The following RTN4 variants were observed in gnomAD, a reference collection of about 807,000 sequenced individuals.
RTN4 encodes reticulon-4.
Under a neutral mutation model 90.4 loss-of-function variants are expected in RTN4, and 32 were observed. The ratio of observed to expected loss-of-function variants is 0.35; its 90% CI spans 0.27 to 0.48. The LOEUF (loss-of-function observed/expected upper bound fraction) is 0.48, where lower values mean the gene tolerates loss of function less well. Ranked by LOEUF, RTN4 falls within the 20% of genes least tolerant of loss-of-function variation. The pLI, the probability that RTN4 is intolerant of heterozygous loss-of-function variation, is 0.99. For synonymous variants in RTN4, 629 were observed against 552.5 expected, an observed-to-expected ratio of 1.14 and a Z score of -1.94; for missense variants, 1,706 against 1,430.2, an observed-to-expected ratio of 1.19 and a Z score of -3.11.
At chr2:55,023,851 A>G (rs1681625762) in intron 3 of RTN4, among the ~76,000 whole-genome samples, 1 of 152,030 alleles carries the variant, frequency 6.6e-6, no homozygotes, top group Non-Finnish European at 1.5e-5. Context: ...ACCAACTTGC[A>G]ATCCTTAACT....
At chr2:54,996,691 T>C (rs1240383737) in intron 3 of RTN4, among the ~76,000 whole-genome samples, 1 of 152,238 alleles carries the variant, frequency 6.6e-6, no homozygotes, top group Non-Finnish European at 1.5e-5. Flanking sequence ...AGTTAACTCA[T>C]AACGGCCGAA....
At position 55,025,605 on chromosome 2, in the gene RTN4, T is replaced by A. The variant is rs1681781070; in HGVS notation, c.2494A>T (p.Met832Leu). ...LSKKEKIPLQ[M>L]EELSTAVYSN... ...TAAACTGCAGTACTGAGCTCCTCCA[T>A]CTGCAAAGGAATTTTCTCCTTTTTG... The change falls in exon 3 of 9, where the codon ATG becomes TTG. Residue 832 changes from methionine to leucine, a missense_variant. Transcript: ENST00000337526. 4 of 1,613,568 alleles carry A rather than the reference T, an allele frequency of 2.5e-6. No homozygotes were observed. The highest frequency in any genetic ancestry group is 2.2e-5 in the East Asian group (1 of 44,864).
chr2:55,073,198 G>T (rs1668545200), intron 2 of RTN4, among the ~76,000 whole-genome samples: 1 of 152,132 alleles, frequency 6.6e-6, no homozygotes, highest in Admixed American at 6.6e-5. Flanking sequence ...AAAGTGTATT[G>T]CTATGCATAA....
chr2:55,130,053 A>C, the RTN4 span, among the ~76,000 whole-genome samples: 1 of 152,322 alleles, frequency 6.6e-6, no homozygotes, highest in South Asian at 2.1e-4. Flanking sequence ...CATGTACAAA[A>C]ATGCTAATTA....
chr2:55,124,070 G>A, the RTN4 span, among the ~76,000 whole-genome samples: 27 of 152,268 alleles, frequency 1.8e-4, no homozygotes, highest in Admixed American at 1.0e-3. Context: ...ACTCTTCTCC[G>A]TAGACCACAG....
chr2:55,061,049 A>G (rs1331944009), intron 2 of RTN4, among the ~76,000 whole-genome samples: 1 of 147,454 alleles, frequency 6.8e-6, no homozygotes, highest in Non-Finnish European at 1.5e-5. Context: ...TTTAGTATGC[A>G]TATTTTAAAA....
chr2:55,011,090 T>C (rs1489614702), intron 3 of RTN4, among the ~76,000 whole-genome samples: 1 of 152,182 alleles, frequency 6.6e-6, no homozygotes, highest in Non-Finnish European at 1.5e-5. Flanking sequence ...TGGAGTGCAG[T>C]GGTGCAATCA....
intron 3 of RTN4, among the ~76,000 whole-genome samples, chr2:55,018,419 A>C (rs192520050): frequency 1.3e-3 from 195 of 152,332 alleles, no homozygotes; most frequent in Non-Finnish European, 2.0e-3. Flanking sequence ...AAAAAGAAAA[A>C]AGAACAAACT....
chr2:54,990,311 G>A (rs188953335), intron 3 of RTN4, among the ~76,000 whole-genome samples: 59 of 152,104 alleles, frequency 3.9e-4, no homozygotes, highest in African/African-American at 1.2e-3. Context: ...GTAACAAGGC[G>A]GTACTTTAAT....
At chr2:54,974,523 C>T (rs1376337395) in intron 6 of RTN4, among the ~76,000 whole-genome samples, 172 bp downstream of exon 6, 1 of 152,174 alleles carries the variant, frequency 6.6e-6, no homozygotes, top group South Asian at 2.1e-4. Context: ...CCAGGTGATC[C>T]GCCCACCTTG....
intron 1 of RTN4, among the ~76,000 whole-genome samples, chr2:55,081,995 T>C (rs1668729992): frequency 6.6e-6 from 1 of 152,232 alleles, no homozygotes; most frequent in South Asian, 2.1e-4. Context: ...TCCCTCATGC[T>C]GCCTTTAAAT....
chr2:55,036,623 A>C (rs1316079999), intron 1 of RTN4, among the ~76,000 whole-genome samples: 3 of 75,412 alleles, frequency 4.0e-5, no homozygotes, highest in Non-Finnish European at 1.1e-4. Flanking sequence ...AAAAAAAAAA[A>C]ATTAAAAAAA....
intron 1 of RTN4, 116 bp from the exon 2 acceptor site, chr2:55,028,336 G>A (rs1000295634): frequency 3.9e-6 from 3 of 776,530 alleles, no homozygotes; most frequent in South Asian, 1.9e-5. Flanking sequence ...AAACTTTACA[G>A]AGAAAGGGCC....
chr2:55,066,112 C>A (rs957858944), intron 2 of RTN4, among the ~76,000 whole-genome samples: 1 of 151,366 alleles, frequency 6.6e-6, no homozygotes, highest in East Asian at 1.9e-4. Flanking sequence ...GGAATGATAT[C>A]CCAAAATATC....
intron 1 of RTN4, among the ~76,000 whole-genome samples, chr2:55,093,644 C>T (rs1017389383): frequency 1.3e-5 from 2 of 152,072 alleles, no homozygotes; most frequent in South Asian, 2.1e-4. Context: ...TCTCCCTCCA[C>T]GAGGCCAGGG....
intron 4 of RTN4, among the ~76,000 whole-genome samples, chr2:54,985,290 G>A (rs115434653): frequency 3.8e-4 from 57 of 148,594 alleles, no homozygotes; most frequent in African/African-American, 1.2e-3. Flanking sequence ...TGCCTGAATA[G>A]CTGGGACTAC....
At chr2:55,065,992 T>C (rs551058552) in intron 2 of RTN4, among the ~76,000 whole-genome samples, 1 of 152,224 alleles carries the variant, frequency 6.6e-6, no homozygotes, top group African/African-American at 2.4e-5. Flanking sequence ...CATTTTACAA[T>C]GTGGATGTCA....
intron 4 of RTN4, among the ~76,000 whole-genome samples, chr2:54,986,627 G>C (rs1678581974): frequency 6.6e-6 from 1 of 152,130 alleles, no homozygotes; most frequent in Non-Finnish European, 1.5e-5. Context: ...CATCAAAACA[G>C]GAGCCTGAAA....
chr2:55,128,893 G>A, the RTN4 span, among the ~76,000 whole-genome samples: 1 of 151,830 alleles, frequency 6.6e-6, no homozygotes, highest in Non-Finnish European at 1.5e-5. Context: ...GATCACCTGA[G>A]GTCAGGAGTT....
Sources: gnomAD v4.1 joint callset for allele counts (sites outside exome capture counted in the v4.1 genomes callset) on GRCh38, gnomAD v4.1.1 for gene constraint, MANE v1.5 for transcripts, NCBI Gene and HGNC (gene_info 2026-07-23, HGNC 2026-07-21) for gene names.